The following REXO1 variants were observed in gnomAD, a reference collection of about 807,000 sequenced individuals.
The protein encoded by REXO1 is RNA exonuclease 1 homolog.
Under a neutral mutation model 102.6 loss-of-function variants are expected in REXO1, and 42 were observed. That is an observed-to-expected ratio of 0.41 (90% CI 0.32 to 0.53). The LOEUF is 0.53. Among genes scored for constraint, REXO1 ranks in the 20% least tolerant of loss-of-function variants. The pLI, the probability that REXO1 is intolerant of heterozygous loss-of-function variation, is 0.27. For synonymous variants in REXO1, 908 were observed against 779.1 expected, an observed-to-expected ratio of 1.17 and a Z score of -2.76; for missense variants, 1,819 against 1,732.5, an observed-to-expected ratio of 1.05 and a Z score of -0.89.
chr19:1,816,622 G>A, intron 13 of REXO1, 53 bp from the exon 14 acceptor site: 1 of 1,595,614 alleles, frequency 6.3e-7, no homozygotes, highest in Non-Finnish European at 8.6e-7. Flanking sequence ...GCACTGGCTG[G>A]TGGGGCGGGG....
At chr19:1,820,583 C>A (rs1398143268) in intron 5 of REXO1, among the ~76,000 whole-genome samples, 188 bp from the exon 6 acceptor site, 1 of 152,114 alleles carries the variant, frequency 6.6e-6, no homozygotes, top group Admixed American at 6.5e-5. Context: ...CTGAGGGCAG[C>A]GGAACTAAGG....
intron 7 of REXO1, 125 bp downstream of exon 7, chr19:1,819,809 C>T (rs1017530017): frequency 1.4e-5 from 15 of 1,087,180 alleles, no homozygotes; most frequent in African/African-American, 3.3e-5. Context: ...CCCACAGCAC[C>T]GCGCTTTCCT....
intron 12 of REXO1, 181 bp downstream of exon 12, chr19:1,817,038 C>T: frequency 1.2e-6 from 1 of 818,780 alleles, no homozygotes; most frequent in Non-Finnish European, 1.9e-6. Context: ...GCCCGGTGTG[C>T]TTGGCTCTGC....
rs553147160 is a variant in REXO1, at chr19:1,833,772, G to A, written c.158-5141C>T. On this transcript the variant is annotated intron_variant, in intron 1 of 15. Coordinates refer to ENST00000170168, the MANE Select transcript of REXO1 (RefSeq NM_020695.4). ...GGCAACTAGTGCCAGCCCTCCCCCA[G>A]CCCCGGAAGCCCGGCTGCCCAGTGA... Among the ~76,000 whole-genome samples the A allele has an allele frequency of 2.9e-4, 44 of 152,366 alleles. No homozygotes were observed. The South Asian group carries it at 9.1e-3, about 32-fold the overall frequency.
chr19:1,816,984 A>C (rs1452849125), intron 12 of REXO1, among the ~76,000 whole-genome samples, 171 bp from the exon 13 acceptor site: 3 of 152,224 alleles, frequency 2.0e-5, no homozygotes, highest in African/African-American at 7.2e-5. Context: ...CCCCTTTCGC[A>C]AAGCCCTCCT....
At position 1,827,021 on chromosome 19, in the gene REXO1, TGGAGGAGGAGGAGGA is replaced by T; in HGVS notation, c.1753_1767del (p.Ser585_Ser589del). On this transcript the variant is annotated inframe_deletion, in exon 2 of 16. Transcript: ENST00000170168. ...TCCACATCCGCCCCCGCGCTGGAGGTGGAGGAGGAGGAGGAGGAGGAGGAGGATGGGGCGGGGGAG... is the reference window on the plus strand; with the variant it reads ...TCCACATCCGCCCCCGCGCTGGAGGTGGAGGAGGAGGATGGGGCGGGGGAG... 5 of 1,383,816 alleles carry T rather than the reference TGGAGGAGGAGGAGGA, an allele frequency of 3.6e-6. No homozygotes were observed. The highest frequency in any genetic ancestry group is 1.5e-5 in the African/African-American group (1 of 65,820). 85.7% of individuals were successfully genotyped at this position (1,383,816 alleles called of 1,614,324 possible).
chr19:1,824,140 C>T (rs1052532969), intron 3 of REXO1: 1 of 218,820 alleles, frequency 4.6e-6, no homozygotes, highest in African/African-American at 2.3e-5. Context: ...GGGACTGGAG[C>T]AACTGGGACT....
At chr19:1,845,797 C>G (rs1229513864) in intron 1 of REXO1, among the ~76,000 whole-genome samples, 1 of 152,158 alleles carries the variant, frequency 6.6e-6, no homozygotes, top group African/African-American at 2.4e-5. Flanking sequence ...CCCAGGAGCA[C>G]CAGCCACCTT....
intron 1 of REXO1, among the ~76,000 whole-genome samples, 179 bp from the exon 2 acceptor site, chr19:1,828,810 A>C (rs2069825359): frequency 6.6e-6 from 1 of 152,192 alleles, no homozygotes; most frequent in Non-Finnish European, 1.5e-5. Flanking sequence ...GCGCCATCTC[A>C]GGCCCTGTGC....
rs201959341 is a variant in REXO1 at position 1,828,153 on chromosome 19, G to T, written c.636C>A (p.His212Gln). Residue 212 changes from histidine to glutamine, a missense_variant, in exon 2 of 16, where the codon CAC (histidine) becomes CAA (glutamine). Transcript: ENST00000170168. ...ACTTGCCACTGGGAACGGGGCGGCTGTGCCGCCGGGGCTGGCTCACAGCCT... is the reference window on the plus strand; with the variant it reads ...ACTTGCCACTGGGAACGGGGCGGCTTTGCCGCCGGGGCTGGCTCACAGCCT... The part of the protein sequence containing the change: ...VPKAVSQPRR[H>Q]SRPVPSGKYV... 1.2e-6 allele frequency: 2 copies of T among 1,610,262 alleles called. No individual in the cohort carries two copies. The highest frequency in any genetic ancestry group is 1.7e-6 in the Non-Finnish European group (2 of 1,179,226).
intron 1 of REXO1, among the ~76,000 whole-genome samples, chr19:1,834,392 T>G (rs1226646082): frequency 8.5e-5 from 13 of 152,164 alleles, no homozygotes. Flanking sequence ...GGACGTGGGC[T>G]TGTCTTTCTA....
At chr19:1,841,636 G>C (rs1490028385) in intron 1 of REXO1, among the ~76,000 whole-genome samples, 1 of 152,230 alleles carries the variant, frequency 6.6e-6, no homozygotes, top group African/African-American at 2.4e-5. Flanking sequence ...ACGGTCTCCA[G>C]AGGGACAGAG....
rs1368662260 is a variant in REXO1, at chr19:1,827,290, A to T, written c.1499T>A (p.Leu500Gln). 2 of 1,564,720 alleles carry T rather than the reference A, an allele frequency of 1.3e-6. No individual in the cohort carries two copies. The highest frequency in any genetic ancestry group is 1.7e-6 in the Non-Finnish European group (2 of 1,161,866). Residue 500 changes from leucine (L) to glutamine (Q), a missense_variant, in exon 2 of 16, where the codon CTA becomes CAA. Transcript: ENST00000170168. ...GKLVERKARS[L>Q]DEGASQDAPK... ...GGCGTCCTGGGAGGCGCCCTCGTCT[A>T]GTGAGCGGGCTTTCCGCTCCACTAG...
At chr19:1,828,733 C>T in intron 1 of REXO1, 102 bp from the exon 2 acceptor site, 1 of 1,379,212 alleles carries the variant, frequency 7.3e-7, no homozygotes, top group Non-Finnish European at 9.6e-7. Flanking sequence ...AAGAGACCTG[C>T]CTCCGAAACC....
Position 1,818,538 on chromosome 19 carries a change from C to T in REXO1, c.2960G>A (p.Arg987His), listed in dbSNP as rs748224350. Reference sequence around the variant, plus strand: ...ATAACACTCCTCGTCCCGGATGCAGCGGCCTGAAGAGGACACGAGGTACTC... The same window carrying T: ...ATAACACTCCTCGTCCCGGATGCAGTGGCCTGAAGAGGACACGAGGTACTC... ...GTEYLVSSSG[R>H]CIRDEECYYH... The change falls in exon 10 of 16, where the codon CGC becomes CAC. Residue 987 changes from arginine (R) to histidine (H), a missense_variant. Physicochemically the swap from Arg to His is conservative, Grantham distance 29. Coordinates refer to ENST00000170168, the MANE Select transcript of REXO1 (RefSeq NM_020695.4). 2.0e-5 allele frequency: 32 copies of T among 1,611,840 alleles called. No individual in the cohort carries two copies. The African/African-American group carries it at 2.0e-4, about 10-fold the overall frequency.
intron 1 of REXO1, among the ~76,000 whole-genome samples, chr19:1,834,265 G>A (rs1367542791): frequency 6.6e-6 from 1 of 152,158 alleles, no homozygotes; most frequent in Non-Finnish European, 1.5e-5. Context: ...TGAAAGGAGA[G>A]ACCATTTCCC....
intron 11 of REXO1, 30 bp downstream of exon 11, chr19:1,817,677 G>A (rs1273353217): frequency 6.2e-7 from 1 of 1,602,924 alleles, no homozygotes; most frequent in South Asian, 1.1e-5. Context: ...GTTGAGAACA[G>A]GCAGAGGGGA....
rs1407269983 is a variant in REXO1, at chr19:1,815,358, G to C, written c.*708C>G. 1 of 157,656 alleles carries C rather than the reference G, an allele frequency of 6.3e-6. No individual in the cohort carries two copies. The highest frequency in any genetic ancestry group is 2.4e-5 in the African/African-American group (1 of 41,490). 9.8% of individuals were successfully genotyped at this position (157,656 alleles called of 1,614,324 possible). A position where few individuals can be genotyped will look rare whatever the true frequency, so the allele number is the denominator to read the frequency against. On this transcript the variant is annotated 3_prime_UTR_variant, in exon 16 of 16. Coordinates refer to ENST00000170168, the MANE Select transcript of REXO1 (RefSeq NM_020695.4). This position sits in a 1 kb window ranked among gnomAD's most constrained non-coding sequence, Gnocchi z 4.0. The stretch of plus-strand genomic sequence containing the variant: ...TCTAGCGGGAAGACAGTGTCCGGAG[G>C]CCGGTGGGCTCCCTCTAGACGGCAG...
Position 1,817,255 on chromosome 19 carries a change from G to A in REXO1, c.3165C>T (p.Asp1055=). The A allele has an allele frequency of 6.2e-7, 1 of 1,613,140 alleles. No individual in the cohort carries two copies. Among genetic ancestry groups the A allele is most frequent in the African/African-American group, 1.3e-5 (1 of 75,036 alleles). ...VKTFEKELSG[D]THPGIYALDC... ...CCAGGGCGTAGATCCCCGGGTGGGT[G>A]TCTCCTGAGAGCTCTTTCTCAAAGG... is the stretch of plus-strand genomic sequence containing the variant. Residue 1055 remains aspartate, a synonymous_variant, in exon 12 of 16, where the codon GAC becomes GAT. Coordinates refer to ENST00000170168, the MANE Select transcript of REXO1 (RefSeq NM_020695.4).
Sources: gnomAD v4.1 joint callset for allele counts (sites outside exome capture counted in the v4.1 genomes callset) on GRCh38, gnomAD v4.1.1 for gene constraint, Gnocchi (gnomAD v3.1) non-coding constraint, MANE v1.5 for transcripts, NCBI Gene and HGNC (gene_info 2026-07-23, HGNC 2026-07-21) for gene names.